Variants in SYT7 observed in about 807,000 individuals in gnomAD.
The protein encoded by SYT7 is synaptotagmin-7.
In SYT7, 29 loss-of-function variants were observed where a neutral mutation model predicts 75.1. The observed-to-expected ratio is 0.39, with a 90% CI of 0.29 to 0.53. The LOEUF (loss-of-function observed/expected upper bound fraction) is 0.53, where lower values mean the gene tolerates loss of function less well. Ranked by LOEUF, SYT7 falls within the 20% of genes least tolerant of loss-of-function variation. SYT7 has a pLI of 0.77. For missense variants in SYT7, 693 were observed against 953.2 expected, an observed-to-expected ratio of 0.73 and a Z score of 3.59; for synonymous variants, 376 against 401.7, an observed-to-expected ratio of 0.94 and a Z score of 0.76.
intron 7 of SYT7, among the ~76,000 whole-genome samples, chr11:61,535,120 A>G (rs2062831042): frequency 6.6e-6 from 1 of 152,202 alleles, no homozygotes. Context: ...GCACAGAGAG[A>G]GGCAGAGGGA....
chr11:61,580,900 T>C lies in SYT7; in HGVS notation c.-80A>G. ...GCTGCTCCGCCGCCGCCGCTGGGCA[T>C]GGGGCCGGGCGACCCCCGGGGGCGG... is the stretch of plus-strand genomic sequence containing the variant. On this transcript the variant is annotated 5_prime_UTR_variant, in exon 1 of 13. The change abolishes an upstream ATG in the 5' untranslated region. Coordinates refer to ENST00000539008, the MANE Select transcript of SYT7 (RefSeq NM_001365809.2). The surrounding 1 kb of genome is among the most constrained non-coding windows in gnomAD (Gnocchi z 6.1). 1 of 1,104,686 alleles carries C rather than the reference T, an allele frequency of 9.1e-7. No individual in the cohort carries two copies. Among genetic ancestry groups the C allele is most frequent in the Non-Finnish European group, 1.1e-6 (1 of 908,312 alleles). The allele number at this position is 1,104,686 out of a possible 1,614,324, so 68.4% of individuals were successfully genotyped here. A position where few individuals can be genotyped will look rare whatever the true frequency, so the allele number is the denominator to read the frequency against.
chr11:61,561,514 C>G (rs1043989624), intron 1 of SYT7, among the ~76,000 whole-genome samples: 15 of 152,172 alleles, frequency 9.9e-5, no homozygotes, highest in Non-Finnish European at 1.9e-4. Context: ...AAGGAGATCT[C>G]AGGGTCAGGT....
intron 6 of SYT7, chr11:61,539,754 G>T (rs940902864): frequency 1.3e-5 from 2 of 152,168 alleles, no homozygotes; most frequent in Admixed American, 1.3e-4. Context: ...GAGGGTCTTG[G>T]AAAATGGGAC....
intron 1 of SYT7, among the ~76,000 whole-genome samples, chr11:61,556,516 G>T (rs77297473): frequency 0.032 from 4,875 of 152,254 alleles, 289 homozygotes; most frequent in African/African-American, 0.11. Flanking sequence ...ACCCTCAAAG[G>T]GAGAGGCCAA....
At position 61,547,322 on chromosome 11, in the gene SYT7, G is replaced by A. The variant is rs959729491; in HGVS notation, c.216-14C>T. The A allele has an allele frequency of 2.6e-6, 4 of 1,535,250 alleles. No individual in the cohort carries two copies. In the African/African-American group the frequency reaches 5.5e-5, roughly 21 times the overall value. ...CTGTCTAGATCACTGGAGGGGCAGA[G>A]AGAGAGGGGAGAAAACAGGGAGATA... On this transcript the variant is annotated splice_polypyrimidine_tract_variant and intron_variant, in intron 3 of 12. Transcript: ENST00000539008.
Position 61,523,735 on chromosome 11 carries a change from C to A in SYT7, c.1756+92G>T. The A allele has an allele frequency of 1.5e-6, 2 of 1,304,370 alleles. No individual in the cohort carries two copies. Among genetic ancestry groups the A allele is most frequent in the Non-Finnish European group, 1.1e-6 (1 of 922,456 alleles). The allele number at this position is 1,304,370 out of a possible 1,614,324, so 80.8% of individuals were successfully genotyped here. A position where few individuals can be genotyped will look rare whatever the true frequency, so the allele number is the denominator to read the frequency against. On this transcript the variant is annotated intron_variant, in intron 11 of 12. Transcript: ENST00000539008. This position sits in a 1 kb window ranked among gnomAD's most constrained non-coding sequence, Gnocchi z 5.0. ...GGGGTGTGGCGGGTTGGGGTGAGGA[C>A]CACTGCAGACCCTGCTCTCCACATC...
chr11:61,567,207 T>C (rs1164129374), intron 1 of SYT7, among the ~76,000 whole-genome samples: 1 of 152,220 alleles, frequency 6.6e-6, no homozygotes, highest in Admixed American at 6.5e-5. Context: ...GACCTCAGGC[T>C]ACTCACTCAA....
In SYT7 at chr11:61,533,184, G is replaced by C. The variant is rs570226797; in HGVS notation, c.1065-60C>G. 38 of 1,498,098 alleles carry C rather than the reference G, an allele frequency of 2.5e-5. No individual in the cohort carries two copies. In the Admixed American group the frequency reaches 7.7e-4, roughly 30 times the overall value. The allele number at this position is 1,498,098 out of a possible 1,614,324, so 92.8% of individuals were successfully genotyped here. On this transcript the variant is annotated intron_variant, in intron 7 of 12. Transcript: ENST00000539008. ...GGAAGTGAGCTGCGTTGGGCACCCCGGCCTGGGGGGTGGCAGGACCTTCTC... is the reference window on the plus strand; with the variant it reads ...GGAAGTGAGCTGCGTTGGGCACCCCCGCCTGGGGGGTGGCAGGACCTTCTC...
chr11:61,530,100 A>G (rs746864640), intron 8 of SYT7, among the ~76,000 whole-genome samples: 16 of 152,200 alleles, frequency 1.1e-4, no homozygotes, highest in Non-Finnish European at 1.9e-4. Flanking sequence ...CGGTGTTCCA[A>G]CTGTGGCTGC....
At chr11:61,529,971 C>T (rs973845897) in intron 8 of SYT7, among the ~76,000 whole-genome samples, 6 of 152,312 alleles carry the variant, frequency 3.9e-5, no homozygotes, top group Middle Eastern at 3.4e-3. Flanking sequence ...ACTGGCTGGC[C>T]GCCCACCTCA....
chr11:61,521,660 C>A lies in SYT7; in HGVS notation c.1956+1415G>T, dbSNP rs529389503. ...TTCCCATCTGTCTGAGGGTTGCCTC[C>A]AACTCAGCTCCCTTCCCTGTGGGTA... is the stretch of plus-strand genomic sequence containing the variant. On this transcript the variant is annotated intron_variant, in intron 12 of 12. Transcript: ENST00000539008. 2.0e-5 allele frequency among the ~76,000 whole-genome samples: 3 copies of A among 152,326 alleles called. No homozygotes were observed. The East Asian group carries it at 5.8e-4, about 29-fold the overall frequency.
rs575540281 is a variant in SYT7 at position 61,576,611 on chromosome 11, T to C, written c.31+4179A>G. Among the ~76,000 whole-genome samples, 4 of 152,190 alleles carry C rather than the reference T, an allele frequency of 2.6e-5. No individual in the cohort carries two copies. Among genetic ancestry groups the C allele is most frequent in the African/African-American group, 9.6e-5 (4 of 41,516 alleles). On this transcript the variant is annotated intron_variant, in intron 1 of 12. Coordinates refer to ENST00000539008, the MANE Select transcript of SYT7 (RefSeq NM_001365809.2). The surrounding 1 kb of genome is among the most constrained non-coding windows in gnomAD (Gnocchi z 4.1). ...CCAGCTCTTCTCCCTGCTGTTCTTC[T>C]GTTCTTGGCCTCACTCCCCTGGGGG... is the stretch of plus-strand genomic sequence containing the variant.
chr11:61,576,606 T>C lies in SYT7; in HGVS notation c.31+4184A>G, dbSNP rs1269745406. Among the ~76,000 whole-genome samples, 2 of 152,120 alleles carry C rather than the reference T, an allele frequency of 1.3e-5. No individual in the cohort carries two copies. Among genetic ancestry groups the C allele is most frequent in the African/African-American group, 4.8e-5 (2 of 41,406 alleles). On this transcript the variant is annotated intron_variant, in intron 1 of 12. Coordinates refer to ENST00000539008, the MANE Select transcript of SYT7 (RefSeq NM_001365809.2). The surrounding 1 kb of genome is among the most constrained non-coding windows in gnomAD (Gnocchi z 4.1). ...CCCTCCCAGCTCTTCTCCCTGCTGT[T>C]CTTCTGTTCTTGGCCTCACTCCCCT... is the stretch of plus-strand genomic sequence containing the variant.
rs974810275 is a variant in SYT7, at chr11:61,545,908, G to A, written c.572+123C>T. 11 of 823,606 alleles carry A rather than the reference G, an allele frequency of 1.3e-5. No individual in the cohort carries two copies. In the African/African-American group the frequency reaches 1.8e-4, roughly 13 times the overall value. 51.0% of individuals were successfully genotyped at this position (823,606 alleles called of 1,614,324 possible). A position where few individuals can be genotyped will look rare whatever the true frequency, so the allele number is the denominator to read the frequency against. The stretch of plus-strand genomic sequence containing the variant: ...GGAGAGTCTCATGAAGGGATGGAAT[G>A]AGCCAGGGGCCGAGGACGGCACCTC... On this transcript the variant is annotated intron_variant, in intron 5 of 12. Coordinates refer to ENST00000539008, the MANE Select transcript of SYT7 (RefSeq NM_001365809.2).
intron 12 of SYT7, among the ~76,000 whole-genome samples, chr11:61,521,384 A>T (rs778544480): frequency 1.3e-5 from 2 of 152,206 alleles, no homozygotes; most frequent in Non-Finnish European, 2.9e-5. Flanking sequence ...TCAAAAGAAC[A>T]TCAAAGGAGA....
rs780290981 is a variant in SYT7, at chr11:61,556,203, C to T, written c.36G>A (p.Ala12=). 10 of 1,612,576 alleles carry T rather than the reference C, an allele frequency of 6.2e-6. No homozygotes were observed. Among genetic ancestry groups the T allele is most frequent in the Admixed American group, 3.3e-5 (2 of 59,898 alleles). Residue 12 remains alanine, a synonymous_variant, in exon 2 of 13, where the codon GCG becomes GCA. Transcript: ENST00000539008. ...AGACCAGCAGGACGTCGCGCGAGGG[C>T]GCCCCTGGGGAGGACAGGTACAGGT... ...YRDPEAASPG[A]PSRDVLLVSA... is the part of the protein sequence containing the mutation.
intron 8 of SYT7, among the ~76,000 whole-genome samples, chr11:61,531,891 CAAAAA>C (rs58242073): frequency 1.2e-4 from 6 of 49,412 alleles, no homozygotes. Context: ...GATTCTGTCT[CAAAAA>C]AAAAAAAAAA....
Position 61,533,003 on chromosome 11 carries a change from T to C in SYT7, c.1186A>G (p.Ser396Gly). 1 of 1,613,546 alleles carries C rather than the reference T, an allele frequency of 6.2e-7. No homozygotes were observed. The highest frequency in any genetic ancestry group is 8.5e-7 in the Non-Finnish European group (1 of 1,180,000). ...CTCATTCTCACCATGAGCATCTCGC[T>C]GGTGAGGGAGTTGACGAGGTCTGAG... ...SVSDLVNSLT[S>G]EMLMLSPGSE... Residue 396 changes from serine (S) to glycine (G), a missense_variant, in exon 8 of 13, where the codon AGC becomes GGC. Transcript: ENST00000539008.
rs1276039474 is a variant in SYT7 at position 61,523,513 on chromosome 11, T to C, written c.1757-239A>G. Among the ~76,000 whole-genome samples, 1 of 152,180 alleles carries C rather than the reference T, an allele frequency of 6.6e-6. No individual in the cohort carries two copies. Among genetic ancestry groups the C allele is most frequent in the Non-Finnish European group, 1.5e-5 (1 of 68,012 alleles). On this transcript the variant is annotated intron_variant, in intron 11 of 12. Transcript: ENST00000539008. The surrounding 1 kb of genome is among the most constrained non-coding windows in gnomAD (Gnocchi z 5.0). Reference sequence around the variant, plus strand: ...ACTGAGCCCCAGAGAGGCCAGGTCTTGCCCAAAATCTCAGACAAGTAGCAT... The same window carrying C: ...ACTGAGCCCCAGAGAGGCCAGGTCTCGCCCAAAATCTCAGACAAGTAGCAT...
Sources: gnomAD v4.1 joint callset for allele counts (sites outside exome capture counted in the v4.1 genomes callset) on GRCh38, gnomAD v4.1.1 for gene constraint, Gnocchi (gnomAD v3.1) non-coding constraint, MANE v1.5 for transcripts, NCBI Gene and HGNC (gene_info 2026-07-23, HGNC 2026-07-21) for gene names.